The following NR3C1 variants were observed in gnomAD, a reference collection of about 807,000 sequenced individuals.
NR3C1 encodes glucocorticoid receptor.
A neutral mutation model predicts 74.0 loss-of-function variants in NR3C1; 14 were observed. That is an observed-to-expected ratio of 0.19 (90% confidence interval 0.12 to 0.30). The LOEUF is 0.30. Among genes scored for constraint, NR3C1 ranks in the 10% least tolerant of loss-of-function variants. NR3C1 has a pLI of 1.00. For synonymous variants in NR3C1, 308 were observed against 332.5 expected, an observed-to-expected ratio of 0.93 and a Z score of 0.80; for missense variants, 695 against 909.8, an observed-to-expected ratio of 0.76 and a Z score of 3.04.
At chr5:143,386,607 G>A (rs1246684360) in intron 2 of NR3C1, among the ~76,000 whole-genome samples, 5 of 152,134 alleles carry the variant, frequency 3.3e-5, no homozygotes, top group Non-Finnish European at 5.9e-5. Flanking sequence ...GGAGGATAAG[G>A]GGAGATGTGC....
intron 2 of NR3C1, among the ~76,000 whole-genome samples, chr5:143,362,606 C>T (rs1832487395): frequency 6.6e-6 from 1 of 152,110 alleles, no homozygotes; most frequent in South Asian, 2.1e-4. Flanking sequence ...TGTGATCCAC[C>T]TGCCTCAGCC....
At chr5:143,420,078 C>G (rs1387991947) in intron 1 of NR3C1, among the ~76,000 whole-genome samples, 3 of 152,196 alleles carry the variant, frequency 2.0e-5, no homozygotes, top group African/African-American at 7.2e-5. Flanking sequence ...CCCTGGCTCA[C>G]CGGCGGTCAG....
At chr5:143,332,930 T>A in intron 2 of NR3C1, 2 of 1,563,666 alleles carry the variant, frequency 1.3e-6, no homozygotes, top group Non-Finnish European at 1.7e-6. Flanking sequence ...GATTTCCAAA[T>A]CTGAAGTCTG....
At chr5:143,411,680 T>C (rs1354467469) in intron 1 of NR3C1, among the ~76,000 whole-genome samples, 1 of 152,228 alleles carries the variant, frequency 6.6e-6, no homozygotes, top group Non-Finnish European at 1.5e-5. Context: ...AAGAGTGTTA[T>C]ATTTTTTCTT....
Position 143,295,342 on chromosome 5 carries a change from A to G in NR3C1, c.2023+118T>C. On this transcript the variant is annotated intron_variant, in intron 7 of 8. Coordinates refer to ENST00000394464, the MANE Select transcript of NR3C1 (RefSeq NM_000176.3). ...TTACATTCATAAAAATCATCTGACT[A>G]GTAGGAAATAATAGTAGACTTGGTA... is the stretch of plus-strand genomic sequence containing the variant. 2.1e-6 allele frequency: 3 copies of G among 1,450,306 alleles called. No individual in the cohort carries two copies. The Admixed American group carries it at 6.9e-5, about 34-fold the overall frequency. The allele number at this position is 1,450,306 out of a possible 1,614,324, so 89.8% of individuals were successfully genotyped here. A position where few individuals can be genotyped will look rare whatever the true frequency, so the allele number is the denominator to read the frequency against.
chr5:143,430,359 T>C (rs1246559713), intron 1 of NR3C1, among the ~76,000 whole-genome samples: 4 of 152,266 alleles, frequency 2.6e-5, no homozygotes, highest in African/African-American at 4.8e-5. Flanking sequence ...GGATGTGAGA[T>C]GATGGTAGAT....
chr5:143,348,705 G>A (rs553110803), intron 2 of NR3C1, among the ~76,000 whole-genome samples: 11 of 152,246 alleles, frequency 7.2e-5, no homozygotes, highest in South Asian at 6.2e-4. Context: ...TACGAAGAAA[G>A]TACATGTATC....
intron 2 of NR3C1, among the ~76,000 whole-genome samples, chr5:143,315,472 T>C (rs865844234): frequency 9.5e-4 from 145 of 152,302 alleles, no homozygotes; most frequent in African/African-American, 3.4e-3. Flanking sequence ...TTATCATCTA[T>C]ACAAGTTCAT....
In NR3C1 at chr5:143,430,776, A is replaced by G. The variant is rs547225287; in HGVS notation, c.-14+3756T>C. ...TAAATGTTTGTTGTTTAAGCCACCA[A>G]ATCTATGGTATTTTTACTGTAGCAT... On this transcript the variant is annotated intron_variant, in intron 1 of 8. Coordinates refer to the NR3C1 transcript ENST00000343796. 8.1e-4 allele frequency among the ~76,000 whole-genome samples: 123 copies of G among 152,222 alleles called. 1 individual carries two copies. Among genetic ancestry groups the G allele is most frequent in the Admixed American group, 7.2e-3 (110 of 15,280 alleles).
intron 7 of NR3C1, among the ~76,000 whole-genome samples, chr5:143,291,484 A>G (rs1293720123): frequency 2.0e-5 from 3 of 151,834 alleles, no homozygotes; most frequent in Non-Finnish European, 2.9e-5. Context: ...TCAGCCTCCC[A>G]AAGTGTTGGG....
chr5:143,302,536 T>A (rs1052333579), intron 4 of NR3C1, among the ~76,000 whole-genome samples: 1 of 152,032 alleles, frequency 6.6e-6, no homozygotes, highest in African/African-American at 2.4e-5. Flanking sequence ...TTTAAATGGT[T>A]TGGAATGCAT....
At chr5:143,358,874 C>T (rs1831681236) in intron 2 of NR3C1, among the ~76,000 whole-genome samples, 1 of 151,632 alleles carries the variant, frequency 6.6e-6, no homozygotes, top group African/African-American at 2.4e-5. Flanking sequence ...CACTCCAGCC[C>T]CGTGAACAAG....
rs75514091 is a variant in NR3C1 at position 143,397,550 on chromosome 5, G to A, written c.1184+2106C>T. Reference sequence around the variant, plus strand: ...GGGTAATCATAGTTCCCAGTGCTAAGTTAATGCCATAAGGTATAAAATCTT... The same window carrying A: ...GGGTAATCATAGTTCCCAGTGCTAAATTAATGCCATAAGGTATAAAATCTT... On this transcript the variant is annotated intron_variant, in intron 2 of 8. Transcript: ENST00000394464. Among the ~76,000 whole-genome samples, 156 of 152,030 alleles carry A rather than the reference G, an allele frequency of 1.0e-3. 3 individuals are homozygous for A. In the East Asian group the frequency reaches 0.022, roughly 22 times the overall value.
chr5:143,341,289 T>G (rs1270541713), intron 2 of NR3C1, among the ~76,000 whole-genome samples: 1 of 152,094 alleles, frequency 6.6e-6, no homozygotes, highest in Non-Finnish European at 1.5e-5. Context: ...GAATCAGGAG[T>G]GTTCTTTAAT....
At chr5:143,327,412 T>C (rs1824857501) in intron 2 of NR3C1, among the ~76,000 whole-genome samples, 2 of 152,240 alleles carry the variant, frequency 1.3e-5, no homozygotes, top group South Asian at 2.1e-4. Context: ...CCAAACCATA[T>C]TATTTTGCAC....
chr5:143,357,283 A>G (rs1831314849), intron 2 of NR3C1, among the ~76,000 whole-genome samples: 1 of 152,230 alleles, frequency 6.6e-6, no homozygotes, highest in East Asian at 1.9e-4. Context: ...AGGGAAAGTT[A>G]CATTTTTTAG....
chr5:143,304,271 G>A (rs984120246), intron 4 of NR3C1, among the ~76,000 whole-genome samples: 1 of 152,060 alleles, frequency 6.6e-6, no homozygotes, highest in African/African-American at 2.4e-5. Flanking sequence ...CACCAGTAAT[G>A]TTCAAGCTGA....
Position 143,300,648 on chromosome 5 carries a change from G to A in NR3C1, c.1584C>T (p.Leu528=). The change falls in exon 5 of 9, where the codon CTC becomes CTT. Residue 528 remains leucine (L), a synonymous_variant. Transcript: ENST00000394464. This position sits in a 1 kb window ranked among gnomAD's most constrained non-coding sequence, Gnocchi z 5.2. ...CCAACAGTGACACCAGGGTAGGGGT[G>A]AGTTGTGGTAACGTTGCAGGAACTA... The part of the protein sequence containing the change: ...KTIVPATLPQ[L]TPTLVSLLEV... 1.2e-6 allele frequency: 2 copies of A among 1,614,164 alleles called. No individual in the cohort carries two copies. The highest frequency in any genetic ancestry group is 1.3e-5 in the African/African-American group (1 of 75,056).
At chr5:143,428,857 C>A (rs938744895) in intron 1 of NR3C1, among the ~76,000 whole-genome samples, 8 of 152,170 alleles carry the variant, frequency 5.3e-5, no homozygotes, top group Non-Finnish European at 7.3e-5. Context: ...TGACTACCAC[C>A]CACTCCCCAC....
Sources: allele counts gnomAD v4.1 joint callset (sites outside exome capture counted in the v4.1 genomes callset), GRCh38; gene constraint gnomAD v4.1.1; non-coding constraint Gnocchi (gnomAD v3.1); transcripts MANE v1.5; gene names NCBI Gene and HGNC (gene_info 2026-07-23, HGNC 2026-07-21).